Variants in PTPRF observed in about 807,000 individuals in gnomAD.
PTPRF encodes protein tyrosine phosphatase receptor type F, also known as receptor-type tyrosine-protein phosphatase F.
In PTPRF, 59 loss-of-function variants were observed where a neutral mutation model predicts 201.8. That is an observed-to-expected ratio of 0.29 (90% CI 0.24 to 0.36). The LOEUF is 0.36. PTPRF is among the 10% of genes least tolerant of loss of function. The pLI, the probability that PTPRF is intolerant of heterozygous loss-of-function variation, is 1.00. For synonymous variants in PTPRF, 1,088 were observed against 1,089.7 expected (o/e 1.00, Z 0.03); for missense variants, 2,132 against 2,690.5 (o/e 0.79, Z 4.59).
intron 21 of PTPRF, among the ~76,000 whole-genome samples, chr1:43,608,812 A>G (rs775596571): frequency 5.9e-5 from 9 of 152,146 alleles, no homozygotes; most frequent in South Asian, 4.1e-4. Context: ...GCCTCTGGCT[A>G]TTTGTTGGCA....
Position 43,604,017 on chromosome 1 carries a change from C to A in PTPRF, c.2865C>A (p.Phe955Leu). The A allele has an allele frequency of 1.2e-6, 2 of 1,614,244 alleles. No homozygotes were observed. Among genetic ancestry groups the A allele is most frequent in the Non-Finnish European group, 1.7e-6 (2 of 1,180,044 alleles). ...NGRIISYTVVFRDINSQQELQ... is the reference protein window; with the variant it reads ...NGRIISYTVVLRDINSQQELQ... ...GCATCATCAGCTACACCGTGGTGTT[C>A]CGAGACATCAACAGCCAACAGGAGC... Residue 955 changes from phenylalanine to leucine, a missense_variant, in exon 16 of 34, where the codon TTC (phenylalanine) becomes TTA (leucine). Around this residue, in one of 6 missense-constraint regions of PTPRF, gnomAD observed 818 missense variants for 915.3 expected, o/e 0.89. Coordinates refer to ENST00000359947, the MANE Select transcript of PTPRF (RefSeq NM_002840.5).
Position 43,597,925 on chromosome 1 carries a change from G to A in PTPRF, c.1991G>A (p.Arg664His), listed in dbSNP as rs1253367699. 1.9e-6 allele frequency: 3 copies of A among 1,595,674 alleles called. No individual in the cohort carries two copies. Among genetic ancestry groups the A allele is most frequent in the Non-Finnish European group, 2.6e-6 (3 of 1,171,380 alleles). The change falls in exon 12 of 34, where the codon CGT becomes CAT. Residue 664 changes from arginine to histidine, a missense_variant. By Grantham distance (29) the Arg-to-His change is conservative. Around this residue, in one of 6 missense-constraint regions of PTPRF, gnomAD observed 125 missense variants for 211.9 expected, o/e 0.59. Coordinates refer to ENST00000359947, the MANE Select transcript of PTPRF (RefSeq NM_002840.5). ...CGGCATGTGGTGGATGGCATCAGCC[G>A]TGAGCACTCCAGCTGGGACCTGGTG... Reference protein sequence around the residue: ...RGRHVVDGISREHSSWDLVGL... With the variant: ...RGRHVVDGISHEHSSWDLVGL...
chr1:43,558,083 C>T (rs762562494), intron 5 of PTPRF, among the ~76,000 whole-genome samples: 50 of 152,028 alleles, frequency 3.3e-4, no homozygotes, highest in African/African-American at 1.1e-3. Flanking sequence ...GGGGTGGGGC[C>T]GGCAGGAGCC....
intron 21 of PTPRF, 70 bp from the exon 22 acceptor site, chr1:43,609,313 C>A: frequency 7.7e-7 from 1 of 1,294,298 alleles, no homozygotes; most frequent in Non-Finnish European, 1.1e-6. Flanking sequence ...CCTTGGCAGC[C>A]AGCCATGCCA....
intron 10 of PTPRF, 141 bp downstream of exon 10, chr1:43,592,089 G>A (rs975745024): frequency 2.4e-6 from 3 of 1,225,384 alleles, no homozygotes; most frequent in African/African-American, 1.5e-5. Context: ...GCTTAGTGGT[G>A]CATGCGTGTC....
Position 43,553,595 on chromosome 1 carries a change from A to G in PTPRF, c.195A>G (p.Thr65=). 1 of 1,614,162 alleles carries G rather than the reference A, an allele frequency of 6.2e-7. No individual in the cohort carries two copies. Among genetic ancestry groups the G allele is most frequent in the Non-Finnish European group, 8.5e-7 (1 of 1,180,038 alleles). Residue 65 remains threonine (T), a synonymous_variant, in exon 4 of 34, where the codon ACA becomes ACG. Coordinates refer to ENST00000359947, the MANE Select transcript of PTPRF (RefSeq NM_002840.5). The surrounding 1 kb of genome is among the most constrained non-coding windows in gnomAD (Gnocchi z 4.1). The part of the protein sequence containing the change: ...QATGEPKPRI[T]WMKKGKKVSS... ...CAGGAGAACCCAAGCCGCGCATCAC[A>G]TGGATGAAGAAGGGGAAGAAAGTCA...
chr1:43,582,071 C>A (rs892488), intron 7 of PTPRF, among the ~76,000 whole-genome samples: 2 of 152,054 alleles, frequency 1.3e-5, no homozygotes, highest in Admixed American at 1.3e-4. Context: ...GTCCACTGGC[C>A]GCAAGGCTTC....
rs774058164 is a variant in PTPRF at position 43,619,167 on chromosome 1, C to G, written c.4611C>G (p.Asn1537Lys). The G allele has an allele frequency of 6.8e-6, 11 of 1,613,480 alleles. No individual in the cohort carries two copies. Among genetic ancestry groups the G allele is most frequent in the South Asian group, 6.6e-5 (6 of 91,016 alleles). The change falls in exon 27 of 34, where the codon AAC (asparagine) becomes AAG (lysine). Residue 1537 changes from asparagine to lysine, a missense_variant. Physicochemically the swap from Asn to Lys is moderately conservative, Grantham distance 94. Coordinates refer to ENST00000359947, the MANE Select transcript of PTPRF (RefSeq NM_002840.5). ...LAFLRRVKAC[N>K]PLDAGPMVVH... ...TCCTACGACGGGTCAAGGCCTGCAA[C>G]CCCCTAGACGCAGGGCCCATGGTGG...
chr1:43,575,798 T>C, intron 6 of PTPRF: 2 of 973,004 alleles, frequency 2.1e-6, no homozygotes, highest in South Asian at 2.7e-5. Flanking sequence ...TCTCCATGTA[T>C]TTAAGGCCCT....
intron 6 of PTPRF, among the ~76,000 whole-genome samples, chr1:43,574,867 G>A (rs1168928041): frequency 6.6e-6 from 1 of 152,208 alleles, no homozygotes; most frequent in Non-Finnish European, 1.5e-5. Context: ...CTCACAAGCT[G>A]GTGTGACCTT....
In PTPRF at chr1:43,554,091, A is replaced by G; in HGVS notation, c.379+150A>G. 8.7e-7 allele frequency: 1 copy of G among 1,148,222 alleles called. No individual in the cohort carries two copies. Among genetic ancestry groups the G allele is most frequent in the Non-Finnish European group, 1.2e-6 (1 of 821,164 alleles). The allele number at this position is 1,148,222 out of a possible 1,614,324, so 71.1% of individuals were successfully genotyped here. A position where few individuals can be genotyped will look rare whatever the true frequency, so the allele number is the denominator to read the frequency against. ...CAGTGAAAGTCAGTGGTGGACAGGGATAGTCATTGGATCTGGCCTGGATTG... is the reference window on the plus strand; with the variant it reads ...CAGTGAAAGTCAGTGGTGGACAGGGGTAGTCATTGGATCTGGCCTGGATTG... On this transcript the variant is annotated intron_variant, in intron 5 of 33. Transcript: ENST00000359947. This position sits in a 1 kb window ranked among gnomAD's most constrained non-coding sequence, Gnocchi z 4.1.
chr1:43,534,110 G>A (rs1643870963), intron 1 of PTPRF, among the ~76,000 whole-genome samples: 2 of 152,184 alleles, frequency 1.3e-5, no homozygotes, highest in African/African-American at 2.4e-5. Flanking sequence ...ATGAGTAGGA[G>A]TTTGAAGAAG....
At chr1:43,594,165 A>G (rs1448387492) in intron 11 of PTPRF, among the ~76,000 whole-genome samples, 1 of 152,058 alleles carries the variant, frequency 6.6e-6, no homozygotes, top group Admixed American at 6.6e-5. Context: ...GAATGAATCC[A>G]TGAATACAAG....
chr1:43,599,015 C>G, intron 13 of PTPRF, 102 bp downstream of exon 13: 1 of 1,287,528 alleles, frequency 7.8e-7, no homozygotes, highest in Non-Finnish European at 1.1e-6. Context: ...TGCCTGCCCT[C>G]AGCAGTGCTG....
chr1:43,580,503 G>C (rs981930136), intron 7 of PTPRF, among the ~76,000 whole-genome samples: 32 of 152,214 alleles, frequency 2.1e-4, no homozygotes, highest in African/African-American at 5.3e-4. Flanking sequence ...CTTACTGTCA[G>C]GTGTCTTACT....
Position 43,573,977 on chromosome 1 carries a change from C to CTTTTTTTTTTTTTTTTTT in PTPRF, c.568+4218_568+4235dup, listed in dbSNP as rs77543816. On this transcript the variant is annotated intron_variant, in intron 6 of 33. Transcript: ENST00000359947. ...CAAAGAGGGTTTGCTTGTGTGGGTT[C>CTTTTTTTTTTTTTTTTTT]TTTTTTTTTTTTTTTTTTTTTTTTT... Among the ~76,000 whole-genome samples the CTTTTTTTTTTTTTTTTTT allele has an allele frequency of 3.1e-5, 2 of 63,918 alleles. 1 individual carries two copies. 41.9% of individuals were successfully genotyped at this position (63,918 alleles called of 152,430 possible). A position where few individuals can be genotyped will look rare whatever the true frequency, so the allele number is the denominator to read the frequency against.
chr1:43,528,507 A>G (rs1171002819), upstream of PTPRF: 1 of 152,236 alleles, frequency 6.6e-6, no homozygotes, highest in Non-Finnish European at 1.5e-5. Context: ...GCAAGTCTTA[A>G]GGGGCATTAT....
intron 6 of PTPRF, among the ~76,000 whole-genome samples, chr1:43,574,512 CTT>C (rs1334649841): frequency 1.3e-5 from 2 of 152,072 alleles, no homozygotes; most frequent in Non-Finnish European, 2.9e-5. Context: ...TAATTTGGGA[CTT>C]ATATAGAAGG....
chr1:43,583,855 G>A (rs1363818185), intron 7 of PTPRF, among the ~76,000 whole-genome samples: 5 of 152,122 alleles, frequency 3.3e-5, no homozygotes, highest in African/African-American at 7.2e-5. Flanking sequence ...GCTAGCTCCC[G>A]TGTCTGTTTG....
Sources: allele counts gnomAD v4.1 joint callset (sites outside exome capture counted in the v4.1 genomes callset), GRCh38; gene constraint gnomAD v4.1.1; regional missense constraint gnomAD v4.1.1; non-coding constraint Gnocchi (gnomAD v3.1); transcripts MANE v1.5; gene names NCBI Gene and HGNC (gene_info 2026-07-23, HGNC 2026-07-21).